The following FAM151B variants were observed in gnomAD, a reference collection of about 807,000 sequenced individuals.
FAM151B encodes the protein family with sequence similarity 151 member B, also known as protein FAM151B.
Under a neutral mutation model 31.2 loss-of-function variants are expected in FAM151B, and 24 were observed. That is an observed-to-expected ratio of 0.77 (90% CI 0.56 to 1.08). The LOEUF (loss-of-function observed/expected upper bound fraction) is 1.08, where lower values mean the gene tolerates loss of function less well. FAM151B is among the 50% of genes least tolerant of loss of function. The pLI, the probability that FAM151B is intolerant of heterozygous loss-of-function variation, is 0.00. For missense variants in FAM151B, 293 were observed against 328.6 expected (o/e 0.89, Z 0.84); for synonymous variants, 105 against 111.4 (o/e 0.94, Z 0.36).
chr5:80,538,201 G>A (rs1436209426), intron 5 of FAM151B, among the ~76,000 whole-genome samples: 5 of 151,696 alleles, frequency 3.3e-5, no homozygotes, highest in South Asian at 4.1e-4. Flanking sequence ...CCAAGTAGCT[G>A]GGACTACAGG....
chr5:80,534,715 T>C (rs908244479), intron 5 of FAM151B, among the ~76,000 whole-genome samples: 5 of 152,132 alleles, frequency 3.3e-5, no homozygotes, highest in African/African-American at 1.2e-4. Flanking sequence ...GGATGCCCAC[T>C]TTCACCACTG....
At chr5:80,540,143 C>T (rs937125040) in intron 5 of FAM151B, among the ~76,000 whole-genome samples, 2 of 152,092 alleles carry the variant, frequency 1.3e-5, no homozygotes, top group Non-Finnish European at 2.9e-5. Flanking sequence ...ACCCTTTTTC[C>T]TCTTCTGATC....
At chr5:80,527,206 T>A (rs1221648164) in intron 5 of FAM151B, among the ~76,000 whole-genome samples, 1 of 152,070 alleles carries the variant, frequency 6.6e-6, no homozygotes, top group Non-Finnish European at 1.5e-5. Flanking sequence ...GTGGATCACT[T>A]GAGTTCAGGA....
intron 2 of FAM151B, 80 bp downstream of exon 2, chr5:80,501,997 C>A: frequency 8.6e-7 from 1 of 1,158,322 alleles, no homozygotes; most frequent in Non-Finnish European, 1.2e-6. Flanking sequence ...GGTATATTTG[C>A]AGATACTAGA....
intron 1 of FAM151B, among the ~76,000 whole-genome samples, chr5:80,491,773 G>C (rs1426121140): frequency 2.0e-5 from 3 of 152,100 alleles, no homozygotes; most frequent in Non-Finnish European, 4.4e-5. Context: ...CTGCCCTCCA[G>C]GTTTCTTCGT....
chr5:80,537,222 G>A (rs981625093), intron 5 of FAM151B, among the ~76,000 whole-genome samples: 1 of 152,050 alleles, frequency 6.6e-6, no homozygotes, highest in Non-Finnish European at 1.5e-5. Context: ...AATTCCTGTC[G>A]CTCCTGGACT....
chr5:80,527,562 G>A lies in FAM151B; in HGVS notation c.671+5424G>A, dbSNP rs369082055. On this transcript the variant is annotated intron_variant, in intron 5 of 5. Transcript: ENST00000282226. The stretch of plus-strand genomic sequence containing the variant: ...TTTCTAGGCTACAAACTTGTACACC[G>A]TATTATCATACTGAATAATGTAGGT... 6.6e-5 allele frequency among the ~76,000 whole-genome samples: 10 copies of A among 152,196 alleles called. 1 individual carries two copies. Among genetic ancestry groups the A allele is most frequent in the South Asian group, 6.2e-4 (3 of 4,824 alleles).
At chr5:80,506,000 C>T (rs994832472) in intron 2 of FAM151B, 1 of 788,246 alleles carries the variant, frequency 1.3e-6, no homozygotes, top group East Asian at 1.3e-4. Flanking sequence ...TCATGATCCG[C>T]CTGCCTTGGC....
At chr5:80,514,977 C>T (rs1187613548) in intron 3 of FAM151B, among the ~76,000 whole-genome samples, 4 of 152,042 alleles carry the variant, frequency 2.6e-5, no homozygotes, top group African/African-American at 7.2e-5. Flanking sequence ...CGGTGGCTCA[C>T]GCTTGTAATC....
chr5:80,542,099 T>C lies in FAM151B; in HGVS notation c.*267T>C, dbSNP rs953215447. 1.2e-5 allele frequency: 4 copies of C among 334,600 alleles called. No homozygotes were observed. The highest frequency in any genetic ancestry group is 2.2e-5 in the Non-Finnish European group (4 of 185,482). 20.7% of individuals were successfully genotyped at this position (334,600 alleles called of 1,614,324 possible). On this transcript the variant is annotated 3_prime_UTR_variant, in exon 6 of 6. Transcript: ENST00000282226. ...GATACTCTGCACCCCTTCATAAAAA[T>C]AGTTTTGATAAACTAAAGATGATTG... is the stretch of plus-strand genomic sequence containing the variant.
intron 1 of FAM151B, among the ~76,000 whole-genome samples, chr5:80,497,613 C>T (rs1743592787): frequency 6.6e-6 from 1 of 152,014 alleles, no homozygotes. Context: ...TAAATACAAA[C>T]TAACAATTTC....
chr5:80,534,738 G>A (rs940991030), intron 5 of FAM151B, among the ~76,000 whole-genome samples: 4 of 152,068 alleles, frequency 2.6e-5, no homozygotes, highest in Admixed American at 2.6e-4. Context: ...ATTTAACATA[G>A]TACTAGAAGT....
intron 2 of FAM151B, among the ~76,000 whole-genome samples, chr5:80,511,952 A>G (rs1049601324): frequency 6.6e-6 from 1 of 152,182 alleles, no homozygotes; most frequent in African/African-American, 2.4e-5. Flanking sequence ...ATAATTCACT[A>G]TGCTACATAA....
intron 5 of FAM151B, 34 bp downstream of exon 5, chr5:80,522,172 G>A: frequency 6.3e-7 from 1 of 1,576,982 alleles, no homozygotes; most frequent in Non-Finnish European, 8.7e-7. Context: ...GTATGTGAGT[G>A]TGTATGAGAG....
At chr5:80,494,468 C>CTTTCTTTCTTTCTTTA (rs1561359203) in intron 1 of FAM151B, among the ~76,000 whole-genome samples, 13 of 43,630 alleles carry the variant, frequency 3.0e-4, no homozygotes, top group African/African-American at 1.1e-3. Context: ...TTCTTTCTTT[C>CTTTCTTTCTTTCTTTA]TTTCTTTCTT....
rs181339470 is a variant in FAM151B, at chr5:80,541,669, G to A, written c.672-4G>A. The A allele has an allele frequency of 5.6e-5, 91 of 1,612,380 alleles. No individual in the cohort carries two copies. The African/African-American group carries it at 1.2e-3, about 21-fold the overall frequency. The stretch of plus-strand genomic sequence containing the variant: ...CTGTATAATTCTGTTTTATTTCAAT[G>A]CAGGTACAGCCTGACTATTTGGACT... On this transcript the variant is annotated splice_polypyrimidine_tract_variant and splice_region_variant and intron_variant, in intron 5 of 5. Transcript: ENST00000282226.
Position 80,519,774 on chromosome 5 carries a change from T to G in FAM151B, c.399T>G (p.Asp133Glu). ...HLKRPVWINA[D>E]ILPGPNGNSK... ...AGCGTCCTGTATGGATTAATGCCGA[T>G]ATTCTTCCTGGTCCAAATGGAAATA... Residue 133 changes from aspartate (D) to glutamate (E), a missense_variant, in exon 4 of 6, where the codon GAT becomes GAG. By Grantham distance (45) the Asp-to-Glu change is conservative. Coordinates refer to ENST00000282226, the MANE Select transcript of FAM151B (RefSeq NM_205548.3). 6.2e-7 allele frequency: 1 copy of G among 1,614,180 alleles called. No homozygotes were observed. Among genetic ancestry groups the G allele is most frequent in the Non-Finnish European group, 8.5e-7 (1 of 1,180,020 alleles).
chr5:80,503,296 C>CG (rs1743819165), intron 2 of FAM151B, among the ~76,000 whole-genome samples: 1 of 151,950 alleles, frequency 6.6e-6, no homozygotes, highest in Non-Finnish European at 1.5e-5. Flanking sequence ...GTGGTCAGGG[C>CG]GGTGGCTCAT....
intron 2 of FAM151B, among the ~76,000 whole-genome samples, chr5:80,512,581 C>T (rs1427464115): frequency 2.6e-5 from 4 of 151,260 alleles, no homozygotes; most frequent in African/African-American, 9.7e-5. Flanking sequence ...TCACGACCAG[C>T]CTGGGCAACA....
Sources: gnomAD v4.1 joint callset for allele counts (sites outside exome capture counted in the v4.1 genomes callset) on GRCh38, gnomAD v4.1.1 for gene constraint, MANE v1.5 for transcripts, NCBI Gene and HGNC (gene_info 2026-07-23, HGNC 2026-07-21) for gene names.